Variants in POFUT3 observed in about 807,000 individuals in gnomAD.
The protein encoded by POFUT3 is protein O-fucosyltransferase 3.
chr8:33,430,329 G>C, the POFUT3 span, among the ~76,000 whole-genome samples: 1 of 152,096 alleles, frequency 6.6e-6, no homozygotes, highest in Non-Finnish European at 1.5e-5. Context: ...CTTAACCAGG[G>C]AGTGCTAGGA....
the POFUT3 span, among the ~76,000 whole-genome samples, chr8:33,456,220 T>C: frequency 3.6e-3 from 542 of 152,294 alleles, 2 homozygotes; most frequent in African/African-American, 0.012. Context: ...AGCCATAGGA[T>C]ACAACTCCAA....
the POFUT3 span, among the ~76,000 whole-genome samples, chr8:33,388,353 T>C: frequency 7.0e-6 from 1 of 143,304 alleles, no homozygotes; most frequent in African/African-American, 2.8e-5. Context: ...TTTTTTTTTT[T>C]TGAGACAGAG....
chr8:33,321,019 C>A, the POFUT3 span, among the ~76,000 whole-genome samples: 1 of 152,036 alleles, frequency 6.6e-6, no homozygotes, highest in Non-Finnish European at 1.5e-5. Flanking sequence ...TTCATAAGAC[C>A]TCCACCTGCT....
the POFUT3 span, among the ~76,000 whole-genome samples, chr8:33,331,955 C>T: frequency 0.037 from 5 of 134 alleles, no homozygotes; most frequent in Admixed American, 0.42. Flanking sequence ...GGATTACAGG[C>T]GGAGCCACCG....
At chr8:33,436,908 C>T in the POFUT3 span, among the ~76,000 whole-genome samples, 1 of 152,142 alleles carries the variant, frequency 6.6e-6, no homozygotes. Context: ...CCTTTTCCCC[C>T]CTCCCTCCTT....
the POFUT3 span, among the ~76,000 whole-genome samples, chr8:33,309,168 ATATAT>A: frequency 4.9e-4 from 20 of 40,664 alleles, 1 homozygote; most frequent in Non-Finnish European, 8.2e-4. Context: ...AAAAAAAAAA[ATATAT>A]ATATATATAT....
chr8:33,381,817 A>T, the POFUT3 span, among the ~76,000 whole-genome samples: 1 of 152,162 alleles, frequency 6.6e-6, no homozygotes, highest in African/African-American at 2.4e-5. Flanking sequence ...AAGCATCCAG[A>T]TCTCTCATTT....
chr8:33,360,430 A>C, the POFUT3 span, among the ~76,000 whole-genome samples: 1 of 152,008 alleles, frequency 6.6e-6, no homozygotes, highest in African/African-American at 2.4e-5. Context: ...TGGGCAATAG[A>C]GTGAGACTCC....
chr8:33,432,614 A>G, the POFUT3 span, among the ~76,000 whole-genome samples: 1 of 152,084 alleles, frequency 6.6e-6, no homozygotes, highest in Non-Finnish European at 1.5e-5. Context: ...TGGATCTCAA[A>G]CCTAGATATT....
the POFUT3 span, among the ~76,000 whole-genome samples, chr8:33,429,649 T>C: frequency 6.7e-6 from 1 of 150,228 alleles, no homozygotes; most frequent in Non-Finnish European, 1.5e-5. Flanking sequence ...GTACAGGAGG[T>C]ACGAGTGCAT....
At chr8:33,461,274 A>G in the POFUT3 span, 1 of 1,358,640 alleles carries the variant, frequency 7.4e-7, no homozygotes, top group Non-Finnish European at 1.0e-6. Flanking sequence ...CCCCTGATTC[A>G]GCAAAAAGTG....
chr8:33,461,231 G>GAGGA, the POFUT3 span: 7 of 567,204 alleles, frequency 1.2e-5, no homozygotes, highest in South Asian at 6.8e-5. Context: ...GGGAGGGAGG[G>GAGGA]AGGAAGGAAG....
chr8:33,398,318 T>A, the POFUT3 span, among the ~76,000 whole-genome samples: 1 of 152,238 alleles, frequency 6.6e-6, no homozygotes, highest in Non-Finnish European at 1.5e-5. Flanking sequence ...TCAAAAATTA[T>A]TAAAACTGTC....
the POFUT3 span, among the ~76,000 whole-genome samples, chr8:33,333,960 T>A: frequency 6.6e-6 from 1 of 152,070 alleles, no homozygotes; most frequent in African/African-American, 2.4e-5. Flanking sequence ...CTAGAAAAGT[T>A]CTTCTCTCCT....
At chr8:33,451,663 T>C in the POFUT3 span, 1 of 151,988 alleles carries the variant, frequency 6.6e-6, no homozygotes, top group East Asian at 1.9e-4. Flanking sequence ...TATATATACA[T>C]ATATGTATAT....
chr8:33,331,376 C>T, the POFUT3 span, among the ~76,000 whole-genome samples: 10 of 151,742 alleles, frequency 6.6e-5, no homozygotes, highest in African/African-American at 1.9e-4. Flanking sequence ...AAACTATACA[C>T]TATCAAAGTA....
At chr8:33,369,109 A>G in the POFUT3 span, among the ~76,000 whole-genome samples, 1 of 152,204 alleles carries the variant, frequency 6.6e-6, no homozygotes, top group Non-Finnish European at 1.5e-5. Flanking sequence ...TCAAACACAA[A>G]GGGTAATGAC....
chr8:33,440,820 G>A, the POFUT3 span, among the ~76,000 whole-genome samples: 1 of 151,944 alleles, frequency 6.6e-6, no homozygotes, highest in Non-Finnish European at 1.5e-5. Flanking sequence ...TCACTAGTAA[G>A]CAAAATTTTT....
the POFUT3 span, among the ~76,000 whole-genome samples, chr8:33,350,648 AT>A: frequency 6.6e-6 from 1 of 152,200 alleles, no homozygotes; most frequent in African/African-American, 2.4e-5. Flanking sequence ...CCTGATTTCC[AT>A]TGTTTTAAGG....
Sources: gnomAD v4.1 joint callset for allele counts (sites outside exome capture counted in the v4.1 genomes callset) on GRCh38, gnomAD v4.1.1 for gene constraint, MANE v1.5 for transcripts, NCBI Gene and HGNC (gene_info 2026-07-23, HGNC 2026-07-21) for gene names.